LPIN3: variants seen among roughly 807,000 people sequenced by gnomAD.
The protein encoded by LPIN3 is phosphatidate phosphatase LPIN3.
Under a neutral mutation model 94.7 loss-of-function variants are expected in LPIN3, and 82 were observed. The ratio of observed to expected loss-of-function variants is 0.87; its 90% confidence interval spans 0.72 to 1.04. The LOEUF (loss-of-function observed/expected upper bound fraction) is 1.04, where lower values mean the gene tolerates loss of function less well. LPIN3 is among the 50% of genes least tolerant of loss of function. LPIN3 has a pLI of 0.00. For missense variants in LPIN3, 996 were observed against 1,090.5 expected (o/e 0.91, Z 1.22); for synonymous variants, 418 against 443.3 (o/e 0.94, Z 0.72).
intron 14 of LPIN3, among the ~76,000 whole-genome samples, chr20:41,356,488 G>A (rs2046212867): frequency 6.6e-6 from 1 of 152,164 alleles, no homozygotes; most frequent in African/African-American, 2.4e-5. Context: ...TCCAGGAGGG[G>A]CTGACCAGCC....
chr20:41,347,172 G>T (rs955804330), intron 2 of LPIN3, among the ~76,000 whole-genome samples: 1 of 152,246 alleles, frequency 6.6e-6, no homozygotes, highest in African/African-American at 2.4e-5. Flanking sequence ...CCAATAACCT[G>T]GGGGCTGGGG....
chr20:41,348,689 C>A lies in LPIN3; in HGVS notation c.359C>A (p.Ser120Tyr). Residue 120 changes from serine to tyrosine, a missense_variant, in exon 4 of 20, where the codon TCC becomes TAC. Physicochemically the swap from Ser to Tyr is moderately radical, Grantham distance 144. Transcript: ENST00000373257. Reference protein sequence around the residue: ...WGGLSGFPSDSQLGTASEPEG... With the variant: ...WGGLSGFPSDYQLGTASEPEG... ...GGTCTGTCTGGCTTCCCCTCGGACT[C>A]CCAGCTGGGCACTGCCAGTGAGCCT... 1 of 1,613,972 alleles carries A rather than the reference C, an allele frequency of 6.2e-7. No homozygotes were observed. Among genetic ancestry groups the A allele is most frequent in the African/African-American group, 1.3e-5 (1 of 75,034 alleles).
chr20:41,351,244 GATAA>G (rs1440035061), intron 7 of LPIN3, among the ~76,000 whole-genome samples: 1 of 150,006 alleles, frequency 6.7e-6, no homozygotes. Context: ...CTGGGTGACA[GATAA>G]ATAAAAATTA....
chr20:41,355,065 A>C lies in LPIN3; in HGVS notation c.1664+202A>C, dbSNP rs534702437. Among the ~76,000 whole-genome samples the C allele has an allele frequency of 2.4e-4, 37 of 151,786 alleles. 1 individual carries two copies. Among genetic ancestry groups the C allele is most frequent in the African/African-American group, 8.9e-4 (37 of 41,370 alleles). ...AGTCTGGCTCTGTCACCCAGGCTGG[A>C]GTGCAGTGGTACGATCTTGGCTCAC... is the stretch of plus-strand genomic sequence containing the variant. On this transcript the variant is annotated intron_variant, in intron 13 of 19. Coordinates refer to ENST00000373257, the MANE Select transcript of LPIN3 (RefSeq NM_022896.3).
chr20:41,352,069 G>T lies in LPIN3; in HGVS notation c.1212G>T (p.Gly404=). ...GCCCCTTTGCCTGCAGTGACTCTGG[G>T]CTGGGGGCCAGAAGATGGAGTGAAC... ...AALYFPQSDS[G]LGARRWSEPS... is the part of the protein sequence containing the mutation. Residue 404 remains glycine, a synonymous_variant, in exon 9 of 20, where the codon GGG becomes GGT. Transcript: ENST00000373257. 6.2e-7 allele frequency: 1 copy of T among 1,614,238 alleles called. No homozygotes were observed. Among genetic ancestry groups the T allele is most frequent in the Non-Finnish European group, 8.5e-7 (1 of 1,180,048 alleles).
chr20:41,354,816 A>T lies in LPIN3; in HGVS notation c.1621-4A>T, dbSNP rs763780101. ...GGATTCACTAATGGATGTTCTTTCC[A>T]CAGCGCAGTGCCCAGAAGGAGAAGA... is the stretch of plus-strand genomic sequence containing the variant. On this transcript the variant is annotated splice_polypyrimidine_tract_variant and splice_region_variant and intron_variant, in intron 12 of 19. Coordinates refer to ENST00000373257, the MANE Select transcript of LPIN3 (RefSeq NM_022896.3). 76 of 1,605,444 alleles carry T rather than the reference A, an allele frequency of 4.7e-5. No homozygotes were observed. Among genetic ancestry groups the T allele is most frequent in the Admixed American group, 8.6e-5 (5 of 57,920 alleles).
chr20:41,354,321 A>G (rs944698489), intron 11 of LPIN3, among the ~76,000 whole-genome samples: 23 of 152,194 alleles, frequency 1.5e-4, no homozygotes, highest in Admixed American at 1.4e-3. Flanking sequence ...AGATCTTGAG[A>G]AACTCCCAAA....
rs369541922 is a variant in LPIN3 at position 41,358,768 on chromosome 20, G to A, written c.2458G>A (p.Ala820Thr). Reference protein sequence around the residue: ...EVVELLFPPVARGPSTDLANP... With the variant: ...EVVELLFPPVTRGPSTDLANP... Reference sequence around the variant, plus strand: ...GGTCGAGCTCCTCTTCCCACCTGTGGCCCGTGGCCCCAGCACAGACCTGGC... The same window carrying A: ...GGTCGAGCTCCTCTTCCCACCTGTGACCCGTGGCCCCAGCACAGACCTGGC... The change falls in exon 20 of 20, where the codon GCC (alanine) becomes ACC (threonine). Residue 820 changes from alanine to threonine, a missense_variant. By Grantham distance (58) the Ala-to-Thr change is moderately conservative. Transcript: ENST00000373257. 1.9e-6 allele frequency: 3 copies of A among 1,614,118 alleles called. No individual in the cohort carries two copies.
chr20:41,357,891 C>T lies in LPIN3; in HGVS notation c.2049C>T (p.Tyr683=). The T allele has an allele frequency of 6.2e-7, 1 of 1,614,090 alleles. No individual in the cohort carries two copies. Residue 683 remains tyrosine (Y), a synonymous_variant, in exon 17 of 20, where the codon TAC becomes TAT. Transcript: ENST00000373257. ...SLYHKIQLNG[Y]KFLYCSARAI... is the part of the protein sequence containing the mutation. ...TGTCCCCCACTCTCAGAAATGGGTA[C>T]AAGTTCCTGTACTGCTCGGCGCGGG... is the stretch of plus-strand genomic sequence containing the variant.
intron 6 of LPIN3, 76 bp downstream of exon 6, chr20:41,349,970 C>A (rs1357231916): frequency 3.2e-6 from 5 of 1,565,974 alleles, no homozygotes; most frequent in Middle Eastern, 1.8e-4. Context: ...GTTGGAGGGA[C>A]TGAAACTCGG....
chr20:41,341,321 C>T (rs2045570799), intron 1 of LPIN3, among the ~76,000 whole-genome samples: 2 of 152,214 alleles, frequency 1.3e-5, no homozygotes, highest in Admixed American at 1.3e-4. Flanking sequence ...TACCCAGTGT[C>T]CTCAGTTGCA....
At chr20:41,343,885 C>A (rs1024581991) in intron 1 of LPIN3, among the ~76,000 whole-genome samples, 1 of 152,070 alleles carries the variant, frequency 6.6e-6, no homozygotes, top group African/African-American at 2.4e-5. Context: ...CATAGTGAGA[C>A]CCTGTCTCTA....
chr20:41,354,767 A>AGGGCCT (rs1440627608), intron 12 of LPIN3, 30 bp downstream of exon 12: 1 of 1,610,526 alleles, frequency 6.2e-7, no homozygotes, highest in Non-Finnish European at 8.5e-7. Flanking sequence ...GGCCAGGGCC[A>AGGGCCT]GGGCCAGCAC....
intron 1 of LPIN3, among the ~76,000 whole-genome samples, chr20:41,344,084 G>GAAAAT (rs2045683854): frequency 6.6e-6 from 1 of 151,926 alleles, no homozygotes; most frequent in African/African-American, 2.4e-5. Flanking sequence ...GAAAAGAAAA[G>GAAAAT]AAAAGAAAAA....
chr20:41,342,336 A>G (rs1248270519), intron 1 of LPIN3, among the ~76,000 whole-genome samples: 1 of 152,166 alleles, frequency 6.6e-6, no homozygotes, highest in Non-Finnish European at 1.5e-5. Context: ...ATCTGGTTAT[A>G]AAGTCTTAAC....
In LPIN3 at chr20:41,357,878, T is replaced by C. The variant is rs1254664767; in HGVS notation, c.2040-4T>C. On this transcript the variant is annotated splice_region_variant and splice_polypyrimidine_tract_variant and intron_variant, in intron 16 of 19. Coordinates refer to ENST00000373257, the MANE Select transcript of LPIN3 (RefSeq NM_022896.3). ...CTCTATGCCACCCTGTCCCCCACTC[T>C]CAGAAATGGGTACAAGTTCCTGTAC... 5.0e-6 allele frequency: 8 copies of C among 1,613,908 alleles called. No homozygotes were observed. In the East Asian group the frequency reaches 1.8e-4, roughly 36 times the overall value.
chr20:41,356,536 C>T (rs773667194), intron 14 of LPIN3, among the ~76,000 whole-genome samples: 1 of 152,228 alleles, frequency 6.6e-6, no homozygotes, highest in African/African-American at 2.4e-5. Flanking sequence ...TACCCTGGAG[C>T]TCACACTCAA....
At chr20:41,349,049 A>G (rs1250165664) in intron 4 of LPIN3, 43 bp from the exon 5 acceptor site, 1 of 1,610,766 alleles carries the variant, frequency 6.2e-7, no homozygotes, top group Non-Finnish European at 8.5e-7. Flanking sequence ...TGCCTGGGGC[A>G]TCCTGCCTGA....
At chr20:41,357,269 G>A in intron 15 of LPIN3, 81 bp downstream of exon 15, 1 of 1,603,170 alleles carries the variant, frequency 6.2e-7, no homozygotes, top group Non-Finnish European at 8.5e-7. Flanking sequence ...GGTGGGGAGT[G>A]AGAGGAGCCC....
Sources: gnomAD v4.1 joint callset for allele counts (sites outside exome capture counted in the v4.1 genomes callset) on GRCh38, gnomAD v4.1.1 for gene constraint, MANE v1.5 for transcripts, NCBI Gene and HGNC (gene_info 2026-07-23, HGNC 2026-07-21) for gene names.